Variants in CMSS1 observed in about 807,000 individuals in gnomAD.
The protein encoded by CMSS1 is cms1 ribosomal small subunit homolog.
In CMSS1, 33 loss-of-function variants were observed where a neutral mutation model predicts 43.5. The observed-to-expected ratio is 0.76, with a 90% confidence interval of 0.57 to 1.01. The LOEUF is 1.01. Ranked by LOEUF, CMSS1 falls within the 50% of genes least tolerant of loss-of-function variation. CMSS1 has a pLI of 0.00. For missense variants in CMSS1, 313 were observed against 326.4 expected, an observed-to-expected ratio of 0.96 and a Z score of 0.32; for synonymous variants, 115 against 117.2, an observed-to-expected ratio of 0.98 and a Z score of 0.12.
At position 100,179,816 on chromosome 3, in the gene CMSS1, C is replaced by T. The variant is rs921467181; in HGVS notation, c.*1428C>T. On this transcript the variant is annotated 3_prime_UTR_variant, in exon 10 of 10. Transcript: ENST00000421999. ...TGGGGACTCTGTGTAGGGTCTCCAACCCCACATTTCCCCTCTGCACTGCCC... is the reference window on the plus strand; with the variant it reads ...TGGGGACTCTGTGTAGGGTCTCCAATCCCACATTTCCCCTCTGCACTGCCC... The T allele has an allele frequency of 2.0e-5, 3 of 152,274 alleles. No individual in the cohort carries two copies. Among genetic ancestry groups the T allele is most frequent in the Admixed American group, 1.3e-4 (2 of 15,290 alleles). 9.4% of individuals were successfully genotyped at this position (152,274 alleles called of 1,614,324 possible). A position where few individuals can be genotyped will look rare whatever the true frequency, so the allele number is the denominator to read the frequency against.
At chr3:100,100,974 G>A (rs919928894) in intron 1 of CMSS1, among the ~76,000 whole-genome samples, 1 of 152,152 alleles carries the variant, frequency 6.6e-6, no homozygotes, top group Non-Finnish European at 1.5e-5. Flanking sequence ...GGTATATGGA[G>A]AACAGAGAAG....
chr3:99,988,814 G>T (rs1709430146), intron 1 of CMSS1, among the ~76,000 whole-genome samples: 1 of 152,248 alleles, frequency 6.6e-6, no homozygotes, highest in South Asian at 2.1e-4. Context: ...TTCTTGGGCT[G>T]TTCTTTCATT....
intron 1 of CMSS1, among the ~76,000 whole-genome samples, chr3:100,139,607 G>GTGTGTATATA (rs1167156005): frequency 4.0e-4 from 58 of 144,644 alleles, no homozygotes; most frequent in African/African-American, 1.5e-3. Context: ...GTATATATGT[G>GTGTGTATATA]TGTGTGTATA....
At chr3:99,954,009 A>T (rs1708250536) in intron 1 of CMSS1, among the ~76,000 whole-genome samples, 1 of 152,160 alleles carries the variant, frequency 6.6e-6, no homozygotes, top group Admixed American at 6.5e-5. Flanking sequence ...TTTTTGTTGC[A>T]CCCTTAAGAG....
At position 99,921,526 on chromosome 3, in the gene CMSS1, G is replaced by C. The variant is rs1214734622; in HGVS notation, c.64+103483G>C. 2.6e-5 allele frequency among the ~76,000 whole-genome samples: 4 copies of C among 152,256 alleles called. No homozygotes were observed. In the East Asian group the frequency reaches 7.8e-4, roughly 30 times the overall value. On this transcript the variant is annotated intron_variant, in intron 1 of 9. Transcript: ENST00000421999. ...GTCACATATGCATCAAGGGAGTTGAGAATAGGTTTAATATTGTCACATTCA... is the reference window on the plus strand; with the variant it reads ...GTCACATATGCATCAAGGGAGTTGACAATAGGTTTAATATTGTCACATTCA...
chr3:100,051,750 G>A (rs978494747), intron 1 of CMSS1, among the ~76,000 whole-genome samples: 3 of 151,078 alleles, frequency 2.0e-5, no homozygotes, highest in Non-Finnish European at 2.9e-5. Flanking sequence ...TAATCTAGTC[G>A]ATCATTGTTG....
At chr3:99,821,660 G>A (rs900947440) in intron 1 of CMSS1, among the ~76,000 whole-genome samples, 3 of 152,206 alleles carry the variant, frequency 2.0e-5, no homozygotes, top group Non-Finnish European at 4.4e-5. Flanking sequence ...TTTTAATGTA[G>A]TTGACCGGTC....
At chr3:99,876,840 C>A (rs1358982492) in intron 1 of CMSS1, among the ~76,000 whole-genome samples, 1 of 152,084 alleles carries the variant, frequency 6.6e-6, no homozygotes, top group Non-Finnish European at 1.5e-5. Context: ...TTAACGAAAG[C>A]AGTTAAAACT....
At chr3:99,980,311 C>G (rs1475851481) in intron 1 of CMSS1, among the ~76,000 whole-genome samples, 1 of 152,104 alleles carries the variant, frequency 6.6e-6, no homozygotes, top group East Asian at 1.9e-4. Context: ...CTCTGTATCT[C>G]AGTTTGCTCA....
chr3:100,167,684 G>T, intron 5 of CMSS1, 54 bp from the exon 6 acceptor site: 1 of 1,091,780 alleles, frequency 9.2e-7, no homozygotes. Flanking sequence ...CAACTTGGGA[G>T]GTGTGCCCTG....
intron 1 of CMSS1, among the ~76,000 whole-genome samples, chr3:100,014,887 C>CTTTT (rs1559725867): frequency 2.2e-4 from 7 of 32,462 alleles, no homozygotes; most frequent in East Asian, 8.7e-4. Flanking sequence ...TTTTTTTTTT[C>CTTTT]TTTCTTTCTT....
At chr3:100,020,486 A>G (rs2064789638) in intron 1 of CMSS1, among the ~76,000 whole-genome samples, 1 of 152,254 alleles carries the variant, frequency 6.6e-6, no homozygotes. Flanking sequence ...TTTAGGCTCT[A>G]ATCGTTTTGA....
At chr3:100,117,176 T>A (rs1376673450) in intron 1 of CMSS1, among the ~76,000 whole-genome samples, 1 of 152,200 alleles carries the variant, frequency 6.6e-6, no homozygotes, top group African/African-American at 2.4e-5. Flanking sequence ...ATCTAGTGGA[T>A]TATTTTTATT....
At chr3:99,863,371 C>T (rs1018298385) in intron 1 of CMSS1, among the ~76,000 whole-genome samples, 7 of 152,148 alleles carry the variant, frequency 4.6e-5, no homozygotes, top group Non-Finnish European at 1.0e-4. Flanking sequence ...TACTGGTCTT[C>T]GGCCCTGGGG....
At chr3:99,952,465 T>C (rs1272120638) in intron 1 of CMSS1, among the ~76,000 whole-genome samples, 2 of 152,166 alleles carry the variant, frequency 1.3e-5, no homozygotes, top group Non-Finnish European at 2.9e-5. Flanking sequence ...TGAGAACCAG[T>C]GTAAAGAATT....
chr3:99,850,261 A>G (rs1210267547), intron 1 of CMSS1: 1 of 1,613,908 alleles, frequency 6.2e-7, no homozygotes. Context: ...AATGGCTTCT[A>G]GCTCTTTGAT....
chr3:99,827,106 T>C (rs977734871), intron 1 of CMSS1, among the ~76,000 whole-genome samples: 7 of 152,254 alleles, frequency 4.6e-5, no homozygotes, highest in Admixed American at 1.3e-4. Flanking sequence ...TATAGTTGTA[T>C]TTGCATTTTT....
At chr3:99,846,732 T>C (rs793499) in intron 1 of CMSS1, among the ~76,000 whole-genome samples, 124,391 of 152,228 alleles carry the variant, frequency 0.82, 51,132 homozygotes, top group African/African-American at 0.91. Flanking sequence ...ATTGATTTTG[T>C]AGGGGAAAGG....
At chr3:100,039,617 G>A (rs886283914) in intron 1 of CMSS1, among the ~76,000 whole-genome samples, 5 of 152,074 alleles carry the variant, frequency 3.3e-5, no homozygotes, top group Admixed American at 2.6e-4. Context: ...ATCTAGAAAA[G>A]CATTGTCCCT....
Sources: gnomAD v4.1 joint callset for allele counts (sites outside exome capture counted in the v4.1 genomes callset) on GRCh38, gnomAD v4.1.1 for gene constraint, MANE v1.5 for transcripts, NCBI Gene and HGNC (gene_info 2026-07-23, HGNC 2026-07-21) for gene names.